Variants in BCAT1 observed in about 807,000 individuals in gnomAD.
BCAT1 encodes branched chain amino acid transaminase 1.
In BCAT1, 48 loss-of-function variants were observed where a neutral mutation model predicts 52.4. The ratio of observed to expected loss-of-function variants is 0.92; its 90% CI spans 0.73 to 1.16. The LOEUF is 1.16. BCAT1 is among the 50% of genes most tolerant of loss of function. The pLI, the probability that BCAT1 is intolerant of heterozygous loss-of-function variation, is 0.00. For missense variants in BCAT1, 451 were observed against 457.1 expected, an observed-to-expected ratio of 0.99 and a Z score of 0.12; for synonymous variants, 167 against 161.3, an observed-to-expected ratio of 1.04 and a Z score of -0.27.
At chr12:24,921,615 A>G (rs971916912) in intron 1 of BCAT1, among the ~76,000 whole-genome samples, 4 of 152,232 alleles carry the variant, frequency 2.6e-5, no homozygotes, top group African/African-American at 9.6e-5. Flanking sequence ...TTTGATACAC[A>G]TACCTAGGAA....
rs977618036 is a variant in BCAT1 at position 24,832,882 on chromosome 12, ATAACAAGTATAT to A, written c.904-31_904-20del. On this transcript the variant is annotated intron_variant, in intron 8 of 10. Coordinates refer to ENST00000261192, the MANE Select transcript of BCAT1 (RefSeq NM_005504.7). ...ATTCACCCTGCATGGAATATAAAAA[ATAACAAGTATAT>A]TTTAAAGGAAAAGGCATGCAAAACA... 6.3e-7 allele frequency: 1 copy of A among 1,591,038 alleles called. No individual in the cohort carries two copies. Among genetic ancestry groups the A allele is most frequent in the African/African-American group, 1.4e-5 (1 of 73,934 alleles).
intron 10 of BCAT1, among the ~76,000 whole-genome samples, chr12:24,828,677 A>C (rs7961152): frequency 0.61 from 92,716 of 152,102 alleles, 28,961 homozygotes; most frequent in East Asian, 0.83. Flanking sequence ...ATTATGTACA[A>C]TATGATCCCA....
In BCAT1 at chr12:24,827,884, C is replaced by T. The variant is rs149635658; in HGVS notation, c.1119+1939G>A. Among the ~76,000 whole-genome samples the T allele has an allele frequency of 2.2e-3, 336 of 152,098 alleles. 1 individual carries two copies. The highest frequency in any genetic ancestry group is 7.7e-3 in the African/African-American group (321 of 41,518). ...GCTGAGTAAGTCTCTTTTAAAACTG[C>T]CTTTTAAACTCTCTTTTAAACTTTT... is the stretch of plus-strand genomic sequence containing the variant. On this transcript the variant is annotated intron_variant, in intron 10 of 10. Coordinates refer to ENST00000261192, the MANE Select transcript of BCAT1 (RefSeq NM_005504.7).
chr12:24,842,778 G>T (rs1421139701), intron 6 of BCAT1, among the ~76,000 whole-genome samples: 1 of 152,030 alleles, frequency 6.6e-6, no homozygotes, highest in Admixed American at 6.6e-5. Context: ...AATGTTAAAA[G>T]TCTCGATGTT....
chr12:24,889,164 C>A (rs1415751702), intron 3 of BCAT1, among the ~76,000 whole-genome samples: 2 of 152,184 alleles, frequency 1.3e-5, no homozygotes, highest in Non-Finnish European at 2.9e-5. Context: ...ACAGAAAGAA[C>A]TGTTTCTGTT....
intron 5 of BCAT1, among the ~76,000 whole-genome samples, chr12:24,865,430 T>G (rs1451089403): frequency 6.6e-6 from 1 of 152,216 alleles, no homozygotes; most frequent in Non-Finnish European, 1.5e-5. Context: ...AATGTATGTC[T>G]TCACATGCAA....
chr12:24,866,611 T>C (rs773938922), intron 5 of BCAT1, among the ~76,000 whole-genome samples: 5 of 152,204 alleles, frequency 3.3e-5, no homozygotes, highest in Non-Finnish European at 5.9e-5. Flanking sequence ...TAAGAGATTG[T>C]AAATACACCA....
chr12:24,897,527 A>G (rs1316666395), intron 2 of BCAT1, among the ~76,000 whole-genome samples: 2 of 152,184 alleles, frequency 1.3e-5, no homozygotes. Context: ...ATTTGTACCT[A>G]AGCACTGCCC....
intron 1 of BCAT1, among the ~76,000 whole-genome samples, chr12:24,936,754 TAC>T (rs907640878): frequency 1.2e-5 from 1 of 82,346 alleles, no homozygotes; most frequent in Non-Finnish European, 3.3e-5. Flanking sequence ...CACACACACA[TAC>T]ACACACACCC....
chr12:24,886,588 T>C (rs1219856445), intron 3 of BCAT1, among the ~76,000 whole-genome samples: 1 of 152,188 alleles, frequency 6.6e-6, no homozygotes, highest in Non-Finnish European at 1.5e-5. Flanking sequence ...TATGTGACAT[T>C]GCTATTTTAT....
intron 6 of BCAT1, among the ~76,000 whole-genome samples, chr12:24,847,967 T>C (rs1357264562): frequency 6.6e-6 from 1 of 152,200 alleles, no homozygotes; most frequent in Non-Finnish European, 1.5e-5. Flanking sequence ...ATGCGGAATA[T>C]TTTGTTCCCC....
At chr12:24,866,020 T>C (rs1352240640) in intron 5 of BCAT1, among the ~76,000 whole-genome samples, 8 of 152,200 alleles carry the variant, frequency 5.3e-5, no homozygotes, top group Non-Finnish European at 1.2e-4. Context: ...TGGGAGCCAT[T>C]CTCTGGGCTG....
chr12:24,850,785 C>T (rs1188054144), intron 5 of BCAT1, among the ~76,000 whole-genome samples: 2 of 152,188 alleles, frequency 1.3e-5, no homozygotes, highest in Non-Finnish European at 2.9e-5. Context: ...CCTCTTCCAC[C>T]ATGTGGCTGC....
At chr12:24,832,241 T>C (rs749388893) in intron 9 of BCAT1, among the ~76,000 whole-genome samples, 23 of 152,144 alleles carry the variant, frequency 1.5e-4, no homozygotes, top group Non-Finnish European at 3.2e-4. Context: ...TCCCGACATG[T>C]AGGTAAGACA....
rs563951814 is a variant in BCAT1, at chr12:24,902,807, C to A, written c.7-922G>T. The A allele has an allele frequency of 1.5e-5, 19 of 1,229,172 alleles. No individual in the cohort carries two copies. In the East Asian group the frequency reaches 5.8e-4, roughly 37 times the overall value. 76.1% of individuals were successfully genotyped at this position (1,229,172 alleles called of 1,614,324 possible). A position where few individuals can be genotyped will look rare whatever the true frequency, so the allele number is the denominator to read the frequency against. Reference sequence around the variant, plus strand: ...GCAGGGATGCGGGGAAGGGAAGACGCCTCGCTGGAGGCGGAATGGAGGGCA... The same window carrying A: ...GCAGGGATGCGGGGAAGGGAAGACGACTCGCTGGAGGCGGAATGGAGGGCA... On this transcript the variant is annotated intron_variant, in intron 1 of 10. Coordinates refer to ENST00000261192, the MANE Select transcript of BCAT1 (RefSeq NM_005504.7).
intron 7 of BCAT1, among the ~76,000 whole-genome samples, chr12:24,837,706 T>C (rs894631576): frequency 6.6e-6 from 1 of 152,084 alleles, no homozygotes; most frequent in African/African-American, 2.4e-5. Context: ...AGATTACAGA[T>C]GTGAGCCACC....
At chr12:24,928,499 G>A (rs1348448245) in intron 1 of BCAT1, among the ~76,000 whole-genome samples, 2 of 151,960 alleles carry the variant, frequency 1.3e-5, no homozygotes, top group South Asian at 2.1e-4. Context: ...AATTAGCCGG[G>A]TGTGGTGGCA....
intron 1 of BCAT1, among the ~76,000 whole-genome samples, chr12:24,913,097 T>C (rs181019217): frequency 7.9e-5 from 12 of 152,216 alleles, no homozygotes; most frequent in African/African-American, 2.4e-4. Context: ...GTATGCTTTT[T>C]AAATGCCATT....
intron 10 of BCAT1, 50 bp downstream of exon 10, chr12:24,829,773 A>T (rs1190857592): frequency 1.4e-6 from 1 of 740,016 alleles, no homozygotes; most frequent in South Asian, 1.9e-5. Flanking sequence ...AAGGTGACAT[A>T]AAAAAAAGAA....
Sources: gnomAD v4.1 joint callset for allele counts (sites outside exome capture counted in the v4.1 genomes callset) on GRCh38, gnomAD v4.1.1 for gene constraint, MANE v1.5 for transcripts, NCBI Gene and HGNC (gene_info 2026-07-23, HGNC 2026-07-21) for gene names.